Variants in GPM6A observed in about 807,000 individuals in gnomAD.
The protein encoded by GPM6A is glycoprotein M6A, also known as neuronal membrane glycoprotein M6-a.
Under a neutral mutation model 32.1 loss-of-function variants are expected in GPM6A, and 7 were observed. The observed-to-expected ratio is 0.22, with a 90% CI of 0.12 to 0.41. The LOEUF (loss-of-function observed/expected upper bound fraction) is 0.41. Ranked by LOEUF, GPM6A falls within the 10% of genes least tolerant of loss-of-function variation. The probability of loss-of-function intolerance (pLI) is 1.00; values close to 1 mark genes in which losing one functional copy is unlikely to be tolerated. For synonymous variants in GPM6A, 130 were observed against 123.4 expected, an observed-to-expected ratio of 1.05 and a Z score of -0.35; for missense variants, 235 against 347.2, an observed-to-expected ratio of 0.68 and a Z score of 2.57.
intron 1 of GPM6A, among the ~76,000 whole-genome samples, chr4:175,871,401 C>T (rs542274666): frequency 7.2e-5 from 11 of 152,050 alleles, no homozygotes; most frequent in South Asian, 4.2e-4. Flanking sequence ...ACCCAGGAAG[C>T]GGAGGTTGCA....
At chr4:175,903,389 AAAATATC>A (rs1439068294) in intron 1 of GPM6A, among the ~76,000 whole-genome samples, 2 of 152,194 alleles carry the variant, frequency 1.3e-5, no homozygotes, top group African/African-American at 4.8e-5. Flanking sequence ...ATGAAGTAAG[AAAATATC>A]ATTGAATTAC....
chr4:175,945,332 A>G (rs918483594), intron 1 of GPM6A, among the ~76,000 whole-genome samples: 2 of 152,184 alleles, frequency 1.3e-5, no homozygotes, highest in Non-Finnish European at 2.9e-5. Context: ...TAGTACAAAC[A>G]AATATTTAAT....
At chr4:175,873,078 G>GT (rs1736961485) in intron 1 of GPM6A, among the ~76,000 whole-genome samples, 1 of 151,998 alleles carries the variant, frequency 6.6e-6, no homozygotes, top group East Asian at 1.9e-4. Context: ...GTCTGTGTGT[G>GT]TTTTAGCTAT....
intron 4 of GPM6A, among the ~76,000 whole-genome samples, chr4:175,650,448 G>A (rs1438225663): frequency 6.6e-6 from 1 of 151,958 alleles, no homozygotes; most frequent in African/African-American, 2.4e-5. Context: ...GGGACTACAG[G>A]CATGTGCCAC....
At chr4:175,637,028 C>T (rs1319171230) in intron 6 of GPM6A, among the ~76,000 whole-genome samples, 1 of 62,302 alleles carries the variant, frequency 1.6e-5, no homozygotes, top group Admixed American at 2.4e-4. Context: ...ATATATAATA[C>T]AAAAATATAT....
At chr4:176,002,267 C>G (rs1390608075) in intron 1 of GPM6A, 1 of 1,591,838 alleles carries the variant, frequency 6.3e-7, no homozygotes, top group African/African-American at 1.3e-5. Flanking sequence ...TTCCCGAGGC[C>G]GAGCCTTTGG....
At chr4:175,992,262 A>G (rs1295948891) in intron 1 of GPM6A, among the ~76,000 whole-genome samples, 1 of 152,138 alleles carries the variant, frequency 6.6e-6, no homozygotes, top group Non-Finnish European at 1.5e-5. Context: ...AATTCCTGGT[A>G]ATATTGTATA....
chr4:175,904,929 T>G (rs1488253283), intron 1 of GPM6A, among the ~76,000 whole-genome samples: 5 of 152,124 alleles, frequency 3.3e-5, no homozygotes, highest in Non-Finnish European at 7.4e-5. Flanking sequence ...AAAGGGAAAT[T>G]TTTTCCTCTA....
intron 3 of GPM6A, among the ~76,000 whole-genome samples, chr4:175,652,541 A>G (rs867329587): frequency 2.0e-5 from 3 of 151,990 alleles, no homozygotes; most frequent in Middle Eastern, 3.4e-3. Context: ...TGTTTTATGC[A>G]TGTTAATATA....
intron 1 of GPM6A, among the ~76,000 whole-genome samples, chr4:175,702,951 T>C (rs559179500): frequency 1.1e-4 from 16 of 152,302 alleles, no homozygotes; most frequent in African/African-American, 3.6e-4. Flanking sequence ...AGAAAGACAC[T>C]GGCACAGCAA....
intron 1 of GPM6A, among the ~76,000 whole-genome samples, chr4:175,840,653 C>A (rs1452874309): frequency 6.6e-6 from 1 of 152,012 alleles, no homozygotes; most frequent in Admixed American, 6.6e-5. Flanking sequence ...CAGCTGGAGA[C>A]AACAAGAGCG....
intron 1 of GPM6A, among the ~76,000 whole-genome samples, chr4:175,744,348 T>C (rs1244356343): frequency 2.0e-5 from 3 of 152,086 alleles, no homozygotes; most frequent in African/African-American, 7.2e-5. Flanking sequence ...ACTTCTGATA[T>C]GTACTAAATC....
At chr4:175,642,744 C>T (rs548282205) in intron 4 of GPM6A, among the ~76,000 whole-genome samples, 1 of 152,162 alleles carries the variant, frequency 6.6e-6, no homozygotes, top group South Asian at 2.1e-4. Flanking sequence ...TTTTTTCTCC[C>T]ATGCATATCT....
At chr4:175,766,329 T>C (rs17658599) in intron 1 of GPM6A, among the ~76,000 whole-genome samples, 2,269 of 152,262 alleles carry the variant, frequency 0.015, 34 homozygotes, top group South Asian at 0.025. Context: ...GAAAGGTAAG[T>C]GATTCTGAAA....
intron 2 of GPM6A, among the ~76,000 whole-genome samples, chr4:175,681,256 A>G (rs1247904634): frequency 6.6e-6 from 1 of 152,216 alleles, no homozygotes; most frequent in Non-Finnish European, 1.5e-5. Flanking sequence ...CCTCAACAGA[A>G]GAAAGCATTG....
chr4:176,000,355 C>T (rs1262919945), intron 1 of GPM6A, among the ~76,000 whole-genome samples: 2 of 152,162 alleles, frequency 1.3e-5, no homozygotes, highest in Non-Finnish European at 2.9e-5. Flanking sequence ...AGCTTTGGAT[C>T]CTGACAACTC....
intron 1 of GPM6A, among the ~76,000 whole-genome samples, chr4:175,833,455 C>T (rs1050386475): frequency 1.3e-5 from 2 of 152,038 alleles, no homozygotes; most frequent in African/African-American, 2.4e-5. Context: ...TTACCACATC[C>T]GTAATCCAGT....
intron 2 of GPM6A, among the ~76,000 whole-genome samples, chr4:175,693,340 A>C (rs1010367467): frequency 6.7e-5 from 10 of 149,616 alleles, no homozygotes; most frequent in African/African-American, 2.4e-4. Context: ...TGGAAACAGG[A>C]GTATTATAGA....
chr4:175,837,597 G>A (rs894711466), intron 1 of GPM6A, among the ~76,000 whole-genome samples: 9 of 152,064 alleles, frequency 5.9e-5, no homozygotes, highest in South Asian at 2.1e-4. Flanking sequence ...CTAAAAGCCC[G>A]CCTGTGAGGT....
Sources: gnomAD v4.1 joint callset for allele counts (sites outside exome capture counted in the v4.1 genomes callset) on GRCh38, gnomAD v4.1.1 for gene constraint, MANE v1.5 for transcripts, NCBI Gene and HGNC (gene_info 2026-07-23, HGNC 2026-07-21) for gene names.